Variants in COG5 observed in about 807,000 individuals in gnomAD.
COG5 encodes conserved oligomeric Golgi complex subunit 5.
Under a neutral mutation model 110.4 loss-of-function variants are expected in COG5, and 86 were observed. The ratio of observed to expected loss-of-function variants is 0.78; its 90% CI spans 0.65 to 0.93. The LOEUF (loss-of-function observed/expected upper bound fraction) is 0.93. Ranked by LOEUF, COG5 falls within the 40% of genes least tolerant of loss-of-function variation. COG5 has a pLI of 0.00. For synonymous variants in COG5, 360 were observed against 334.6 expected, an observed-to-expected ratio of 1.08 and a Z score of -0.83; for missense variants, 1,077 against 987.0, an observed-to-expected ratio of 1.09 and a Z score of -1.22.
intron 3 of COG5, among the ~76,000 whole-genome samples, chr7:107,549,609 AG>A (rs1802742646): frequency 7.1e-6 from 1 of 141,648 alleles, no homozygotes; most frequent in South Asian, 2.2e-4. Flanking sequence ...TCACCATGTT[AG>A]CCAGGATGGT....
intron 6 of COG5, among the ~76,000 whole-genome samples, chr7:107,440,669 C>T (rs1171070286): frequency 6.6e-6 from 1 of 152,122 alleles, no homozygotes; most frequent in African/African-American, 2.4e-5. Context: ...AAAACTGAGT[C>T]AATCACCAAT....
chr7:107,369,576 A>C (rs992500246), intron 8 of COG5, among the ~76,000 whole-genome samples: 1 of 151,884 alleles, frequency 6.6e-6, no homozygotes, highest in African/African-American at 2.4e-5. Context: ...TTTAGTAGAG[A>C]GGGGGTTTTA....
chr7:107,513,533 C>T (rs549874143), intron 6 of COG5, among the ~76,000 whole-genome samples: 7 of 152,280 alleles, frequency 4.6e-5, no homozygotes, highest in African/African-American at 1.7e-4. Flanking sequence ...TTTGACCCAG[C>T]CATCCCATTA....
At chr7:107,544,094 T>C (rs1802245770) in intron 5 of COG5, among the ~76,000 whole-genome samples, 1 of 152,060 alleles carries the variant, frequency 6.6e-6, no homozygotes. Flanking sequence ...CAGCCTTCAG[T>C]GGACCCAGAG....
intron 7 of COG5, among the ~76,000 whole-genome samples, chr7:107,412,138 C>T (rs1792347057): frequency 6.6e-6 from 1 of 152,002 alleles, no homozygotes; most frequent in Non-Finnish European, 1.5e-5. Context: ...TCTTCAACTG[C>T]AAAATATAAT....
chr7:107,489,152 A>T (rs987757701), intron 6 of COG5, among the ~76,000 whole-genome samples: 1 of 152,206 alleles, frequency 6.6e-6, no homozygotes, highest in African/African-American at 2.4e-5. Context: ...CTAAAATGTT[A>T]AAACTGCAGG....
At chr7:107,459,745 G>A (rs1158720282) in intron 6 of COG5, among the ~76,000 whole-genome samples, 6 of 150,936 alleles carry the variant, frequency 4.0e-5, no homozygotes, top group African/African-American at 1.5e-4. Context: ...GCAGTGAGCT[G>A]TGATAGCACC....
At chr7:107,405,338 T>C (rs562537796) in intron 7 of COG5, among the ~76,000 whole-genome samples, 1 of 152,304 alleles carries the variant, frequency 6.6e-6, no homozygotes, top group East Asian at 1.9e-4. Context: ...ATTCCTAAAT[T>C]GCCTGCTGAC....
chr7:107,332,013 T>C (rs752199669), intron 10 of COG5, among the ~76,000 whole-genome samples: 3 of 152,012 alleles, frequency 2.0e-5, no homozygotes, highest in Non-Finnish European at 2.9e-5. Context: ...CACGCCCAGA[T>C]AATTTTTGTA....
At chr7:107,295,040 C>T (rs1369981020) in intron 12 of COG5, among the ~76,000 whole-genome samples, 2 of 29,134 alleles carry the variant, frequency 6.9e-5, no homozygotes, top group East Asian at 9.2e-4. Context: ...CACACATATA[C>T]ACACACACAC....
At chr7:107,310,710 G>A (rs1372075485) in intron 11 of COG5, among the ~76,000 whole-genome samples, 4 of 152,144 alleles carry the variant, frequency 2.6e-5, no homozygotes. Flanking sequence ...ATGCAGAAAA[G>A]CTAGTCATTA....
intron 6 of COG5, among the ~76,000 whole-genome samples, chr7:107,477,369 T>C (rs976521029): frequency 2.5e-4 from 38 of 151,832 alleles, no homozygotes; most frequent in African/African-American, 8.7e-4. Context: ...CTCCCTTGTG[T>C]TTTAAATATT....
intron 7 of COG5, among the ~76,000 whole-genome samples, chr7:107,410,366 C>T (rs1422448138): frequency 6.6e-6 from 1 of 152,174 alleles, no homozygotes; most frequent in Non-Finnish European, 1.5e-5. Flanking sequence ...AGGGGACAGA[C>T]ATGAGGTTGA....
At chr7:107,508,241 C>G (rs6952011) in intron 6 of COG5, among the ~76,000 whole-genome samples, 4 of 152,252 alleles carry the variant, frequency 2.6e-5, no homozygotes, top group Admixed American at 2.0e-4. Flanking sequence ...TATCCCGCAC[C>G]TGGCTCGGAG....
intron 7 of COG5, among the ~76,000 whole-genome samples, chr7:107,385,400 G>A (rs1324371982): frequency 6.6e-6 from 1 of 152,098 alleles, no homozygotes; most frequent in East Asian, 1.9e-4. Flanking sequence ...TTTAATGACA[G>A]CCCCAGGAAA....
At chr7:107,442,489 G>T (rs1010624978) in intron 6 of COG5, among the ~76,000 whole-genome samples, 18 of 123,874 alleles carry the variant, frequency 1.5e-4, no homozygotes, top group Non-Finnish European at 3.0e-4. Flanking sequence ...CAGGTTTTTT[G>T]TTGTTTTTTT....
chr7:107,327,046 C>A (rs78472146), intron 10 of COG5, among the ~76,000 whole-genome samples: 23,719 of 151,960 alleles, frequency 0.16, 2,299 homozygotes, highest in Non-Finnish European at 0.22. Context: ...ATGGAAAAAA[C>A]CATATTACCA....
intron 14 of COG5, among the ~76,000 whole-genome samples, chr7:107,280,704 G>A (rs1031247495): frequency 6.6e-6 from 1 of 151,840 alleles, no homozygotes; most frequent in African/African-American, 2.4e-5. Flanking sequence ...AAACATTAAT[G>A]TATAGAATTA....
At chr7:107,288,908 A>G (rs1307696729) in intron 12 of COG5, among the ~76,000 whole-genome samples, 1 of 1,392 alleles carries the variant, frequency 7.2e-4, no homozygotes, top group Non-Finnish European at 3.1e-3. Flanking sequence ...TCTAACAGAG[A>G]TATATATATA....
Sources: gnomAD v4.1 joint callset for allele counts (sites outside exome capture counted in the v4.1 genomes callset) on GRCh38, gnomAD v4.1.1 for gene constraint, MANE v1.5 for transcripts, NCBI Gene and HGNC (gene_info 2026-07-23, HGNC 2026-07-21) for gene names.